PCDHGB3: variants seen among roughly 807,000 people sequenced by gnomAD.
PCDHGB3 encodes protocadherin gamma subfamily B, 3.
PCDHGB3 carries 40 observed loss-of-function variants against 59.2 expected under a neutral mutation model. The ratio of observed to expected loss-of-function variants is 0.68; its 90% CI spans 0.52 to 0.88. The LOEUF is 0.88. Among genes scored for constraint, PCDHGB3 ranks in the 40% least tolerant of loss-of-function variants. PCDHGB3 has a pLI of 0.00. For missense variants in PCDHGB3, 1,309 were observed against 1,187.9 expected, an observed-to-expected ratio of 1.10 and a Z score of -1.50; for synonymous variants, 581 against 503.6, an observed-to-expected ratio of 1.15 and a Z score of -2.06.
intron 1 of PCDHGB3, chr5:141,375,550 C>T (rs770616547): frequency 2.5e-6 from 4 of 1,614,066 alleles, no homozygotes; most frequent in Middle Eastern, 1.6e-4. Context: ...AAGTCTCCTA[C>T]TCACTGGCAG....
At chr5:141,500,866 A>G (rs576713520) in intron 2 of PCDHGB3, among the ~76,000 whole-genome samples, 19 of 146,112 alleles carry the variant, frequency 1.3e-4, no homozygotes, top group South Asian at 4.3e-4. Context: ...AAACATACAC[A>G]TTCATTTACA....
At chr5:141,495,710 G>C (rs2099763133) in intron 2 of PCDHGB3, among the ~76,000 whole-genome samples, 1 of 152,148 alleles carries the variant, frequency 6.6e-6, no homozygotes, top group Non-Finnish European at 1.5e-5. Flanking sequence ...TGTGGAGTGA[G>C]TAACTACACG....
At chr5:141,494,362 A>T (rs527454959) in intron 1 of PCDHGB3, among the ~76,000 whole-genome samples, 47 of 152,300 alleles carry the variant, frequency 3.1e-4, no homozygotes, top group Admixed American at 8.5e-4. Context: ...GCTGCAGAGG[A>T]TGCTTTGTTC....
intron 1 of PCDHGB3, chr5:141,409,818 C>G (rs1027344375): frequency 3.7e-6 from 6 of 1,610,800 alleles, no homozygotes; most frequent in African/African-American, 1.3e-5. Flanking sequence ...GACCACGGCT[C>G]GCCCACGCTC....
At chr5:141,475,884 G>C (rs998700290) in intron 1 of PCDHGB3, 1 of 557,810 alleles carries the variant, frequency 1.8e-6, no homozygotes, top group Non-Finnish European at 3.2e-6. Flanking sequence ...TATTGGCTGG[G>C]ACTCTGTGTG....
chr5:141,423,070 C>G, intron 1 of PCDHGB3: 1 of 1,614,132 alleles, frequency 6.2e-7, no homozygotes, highest in Non-Finnish European at 8.5e-7. Flanking sequence ...GGCCAGCGAG[C>G]CGGGACTCTT....
intron 2 of PCDHGB3, among the ~76,000 whole-genome samples, chr5:141,500,501 G>A (rs571735791): frequency 1.3e-5 from 2 of 152,058 alleles, no homozygotes; most frequent in Non-Finnish European, 2.9e-5. Context: ...GAGCCACCGC[G>A]CCTGGCCGAG....
In PCDHGB3 at chr5:141,430,862, G is replaced by A. The variant is rs1365140768; in HGVS notation, c.2415+58053G>A. ...CGGATGCACCCAGATACGCTATTCA[G>A]TTCCGGAAGAGCTGGAGAAAGGCTC... is the stretch of plus-strand genomic sequence containing the variant. On this transcript the variant is annotated intron_variant, in intron 1 of 3. Transcript: ENST00000576222. 3 of 1,594,672 alleles carry A rather than the reference G, an allele frequency of 1.9e-6. No individual in the cohort carries two copies. The African/African-American group carries it at 4.0e-5, about 21-fold the overall frequency.
chr5:141,410,797 CTCTA>C (rs375585060), intron 1 of PCDHGB3: 18 of 676,000 alleles, frequency 2.7e-5, no homozygotes, highest in Middle Eastern at 9.7e-4. Context: ...TCATAAGTTG[CTCTA>C]TCTTTTTGTA....
At chr5:141,455,634 G>T (rs1429708887) in intron 1 of PCDHGB3, among the ~76,000 whole-genome samples, 1 of 152,110 alleles carries the variant, frequency 6.6e-6, no homozygotes, top group African/African-American at 2.4e-5. Context: ...GAGATATGTG[G>T]GGGGCAGCCA....
intron 2 of PCDHGB3, 22 bp downstream of exon 2, chr5:141,494,887 C>T (rs116522768): frequency 0.014 from 22,125 of 1,614,118 alleles, 208 homozygotes; most frequent in Middle Eastern, 0.021. Context: ...ATTCTCCAGC[C>T]CACCCTCTTC....
At chr5:141,468,802 C>G (rs928501013) in intron 1 of PCDHGB3, among the ~76,000 whole-genome samples, 1 of 151,620 alleles carries the variant, frequency 6.6e-6, no homozygotes, top group African/African-American at 2.4e-5. Context: ...GGAGGCGGAA[C>G]TTGCAGTGAG....
In PCDHGB3 at chr5:141,476,291, G is replaced by T. The variant is rs1385060012; in HGVS notation, c.2416-18516G>T. The stretch of plus-strand genomic sequence containing the variant: ...GGTCGCGAACCTTGGTTTGGATCTC[G>T]GTAGCCTCTCAGCCCGCAGGTTCCG... On this transcript the variant is annotated intron_variant, in intron 1 of 3. Coordinates refer to ENST00000576222, the MANE Select transcript of PCDHGB3 (RefSeq NM_018924.5). This position sits in a 1 kb window ranked among gnomAD's most constrained non-coding sequence, Gnocchi z 7.6. 4 of 1,614,128 alleles carry T rather than the reference G, an allele frequency of 2.5e-6. No homozygotes were observed. Among genetic ancestry groups the T allele is most frequent in the South Asian group, 1.1e-5 (1 of 91,072 alleles).
intron 1 of PCDHGB3, chr5:141,383,437 C>T (rs965503415): frequency 6.3e-5 from 101 of 1,613,860 alleles, no homozygotes; most frequent in Non-Finnish European, 8.4e-5. Flanking sequence ...CCACTTCTCC[C>T]TGGCTGTGCA....
At position 141,433,358 on chromosome 5, in the gene PCDHGB3, C is replaced by CTATCTAT. The variant is rs2097585632; in HGVS notation, c.2415+60549_2415+60550insTATCTAT. ...ACAGGTGCAAGCCACCTACTGTCTG[C>CTATCTAT]CTATCTATCTATCTATCTATCTATC... On this transcript the variant is annotated intron_variant, in intron 1 of 3. Coordinates refer to ENST00000576222, the MANE Select transcript of PCDHGB3 (RefSeq NM_018924.5). 11 of 503,932 alleles carry CTATCTAT rather than the reference C, an allele frequency of 2.2e-5. No individual in the cohort carries two copies. The African/African-American group carries it at 2.3e-4, about 10-fold the overall frequency. The allele number at this position is 503,932 out of a possible 1,614,324, so 31.2% of individuals were successfully genotyped here.
At chr5:141,393,867 T>G in intron 1 of PCDHGB3, 1 of 1,614,000 alleles carries the variant, frequency 6.2e-7, no homozygotes. Context: ...CATTACGTCT[T>G]TGTTTAGCCC....
intron 2 of PCDHGB3, among the ~76,000 whole-genome samples, chr5:141,503,432 TA>T (rs1423418926): frequency 6.6e-6 from 1 of 151,668 alleles, no homozygotes; most frequent in African/African-American, 2.4e-5. Flanking sequence ...CCATCTCTAC[TA>T]AAAATACAAA....
chr5:141,458,624 C>G (rs1382508302), intron 1 of PCDHGB3, among the ~76,000 whole-genome samples: 1 of 152,082 alleles, frequency 6.6e-6, no homozygotes, highest in East Asian at 1.9e-4. Context: ...GGCTGGAGTG[C>G]AGTGGCACAA....
intron 1 of PCDHGB3, among the ~76,000 whole-genome samples, chr5:141,424,906 A>T (rs1417615946): frequency 5.9e-5 from 9 of 152,212 alleles, no homozygotes. Context: ...GATCACAGGA[A>T]TCATTTCCAT....
Sources: allele counts gnomAD v4.1 joint callset (sites outside exome capture counted in the v4.1 genomes callset), GRCh38; gene constraint gnomAD v4.1.1; non-coding constraint Gnocchi (gnomAD v3.1); transcripts MANE v1.5; gene names NCBI Gene and HGNC (gene_info 2026-07-23, HGNC 2026-07-21).